The following FMNL3 variants were observed in gnomAD, a reference collection of about 807,000 sequenced individuals.
FMNL3 encodes formin-like protein 3.
In FMNL3, 57 loss-of-function variants were observed where a neutral mutation model predicts 119.6. The observed-to-expected ratio is 0.48, with a 90% CI of 0.39 to 0.59. The LOEUF is 0.59. Ranked by LOEUF, FMNL3 falls within the 20% of genes least tolerant of loss-of-function variation. FMNL3 has a pLI of 0.00. For missense variants in FMNL3, 1,053 were observed against 1,323.5 expected (o/e 0.80, Z 3.17); for synonymous variants, 491 against 507.3 (o/e 0.97, Z 0.43).
Position 49,707,128 on chromosome 12 carries a change from G to T in FMNL3, c.53C>A (p.Pro18Gln), listed in dbSNP as rs749783540. 3.7e-6 allele frequency: 6 copies of T among 1,602,800 alleles called. No homozygotes were observed. The Admixed American group carries it at 1.0e-4, about 27-fold the overall frequency. ...EGVPGEPPSV[P>Q]LLLPPGKMPM... The stretch of plus-strand genomic sequence containing the variant: ...CATCTTGCCGGGCGGCAGCAACAAC[G>T]GGACAGAGGGGGGCTCTCCCGGGAC... The change falls in exon 1 of 26, where the codon CCG (proline) becomes CAG (glutamine). Residue 18 changes from proline (P) to glutamine (Q), a missense_variant. By Grantham distance (76) the Pro-to-Gln change is moderately conservative. Transcript: ENST00000335154.
At chr12:49,696,905 T>C (rs761878010) in intron 1 of FMNL3, among the ~76,000 whole-genome samples, 3 of 152,194 alleles carry the variant, frequency 2.0e-5, no homozygotes, top group Non-Finnish European at 2.9e-5. Context: ...GTTCCTGCAG[T>C]AGAGTTTCCT....
chr12:49,668,702 C>T (rs1475400775), intron 1 of FMNL3, 148 bp from the exon 2 acceptor site: 1 of 628,958 alleles, frequency 1.6e-6, no homozygotes, highest in Non-Finnish European at 2.8e-6. Context: ...AAAGGTAGAA[C>T]AGTCCTCCAG....
At chr12:49,683,506 T>C (rs1287089234) in intron 1 of FMNL3, among the ~76,000 whole-genome samples, 2 of 152,142 alleles carry the variant, frequency 1.3e-5, no homozygotes, top group African/African-American at 4.8e-5. Context: ...CCATCAAAAA[T>C]TGAAATAAAA....
At chr12:49,659,248 G>A (rs1943665095) in intron 5 of FMNL3, among the ~76,000 whole-genome samples, 1 of 152,150 alleles carries the variant, frequency 6.6e-6, no homozygotes, top group African/African-American at 2.4e-5. Context: ...GAGGTTTCTA[G>A]GTTTTTCAGG....
rs1943338356 is a variant in FMNL3, at chr12:49,649,836, T to C, written c.2090A>G (p.Tyr697Cys). ...CTCCAGGGGCTGCCGCTCCCGCTCA[T>C]ATTGCCGCAGCAGCTTTACCTCAGC... The part of the protein sequence containing the change: ...TEAEVKLLRQ[Y>C]ERERQPLEEL... Residue 697 changes from tyrosine to cysteine, a missense_variant, in exon 18 of 26, where the codon TAT becomes TGT. Physicochemically the swap from Tyr to Cys is radical, Grantham distance 194. Around this residue, in one of 4 missense-constraint regions of FMNL3, gnomAD observed 445 missense variants for 628.4 expected, o/e 0.71. Coordinates refer to ENST00000335154, the MANE Select transcript of FMNL3 (RefSeq NM_175736.5). This position sits in a 1 kb window ranked among gnomAD's most constrained non-coding sequence, Gnocchi z 5.6. 6.2e-7 allele frequency: 1 copy of C among 1,614,070 alleles called. No individual in the cohort carries two copies. Among genetic ancestry groups the C allele is most frequent in the African/African-American group, 1.3e-5 (1 of 74,926 alleles).
chr12:49,680,427 C>T lies in FMNL3; in HGVS notation c.127-11873G>A, dbSNP rs1024033060. ...TTGCTTTCAAATGGAGGTACATCCT[C>T]AGCGCCTCAGTGCTTCTATCCTCTT... is the stretch of plus-strand genomic sequence containing the variant. On this transcript the variant is annotated intron_variant, in intron 1 of 25. Coordinates refer to ENST00000335154, the MANE Select transcript of FMNL3 (RefSeq NM_175736.5). 2.0e-5 allele frequency among the ~76,000 whole-genome samples: 3 copies of T among 152,218 alleles called. 1 individual carries two copies. Among genetic ancestry groups the T allele is most frequent in the Non-Finnish European group, 4.4e-5 (3 of 68,032 alleles).
In FMNL3 at chr12:49,643,745, A is replaced by G. The variant is rs764584707; in HGVS notation, c.*2070T>C. ...AAAAAGAAAACTAAGAAGAGAAGACACAAGTCGGTGAGTGAAGGAACTTCT... is the reference window on the plus strand; with the variant it reads ...AAAAAGAAAACTAAGAAGAGAAGACGCAAGTCGGTGAGTGAAGGAACTTCT... On this transcript the variant is annotated 3_prime_UTR_variant, in exon 26 of 26. Transcript: ENST00000335154. 9 of 1,614,048 alleles carry G rather than the reference A, an allele frequency of 5.6e-6. No homozygotes were observed. The highest frequency in any genetic ancestry group is 1.7e-5 in the Admixed American group (1 of 59,996).
rs750918263 is a variant in FMNL3 at position 49,648,389 on chromosome 12, G to A, written c.2516-36C>T. The stretch of plus-strand genomic sequence containing the variant: ...AAAGCCTGGCTGAGGAATGCCTAGG[G>A]CCTGGCATGCTCACCTCCCAGCCCA... On this transcript the variant is annotated intron_variant, in intron 21 of 25. Transcript: ENST00000335154. 9 of 1,587,766 alleles carry A rather than the reference G, an allele frequency of 5.7e-6. No individual in the cohort carries two copies. The South Asian group carries it at 6.8e-5, about 12-fold the overall frequency.
chr12:49,703,558 G>A (rs945448570), intron 1 of FMNL3, among the ~76,000 whole-genome samples: 2 of 151,922 alleles, frequency 1.3e-5, no homozygotes, highest in Admixed American at 1.3e-4. Context: ...ACAGTACATG[G>A]GGTAGAAGCT....
rs1418061534 is a variant in FMNL3, at chr12:49,647,297, T to C, written c.2850A>G (p.Glu950=). ...CCACCTTGGCATCCAGTTTCTTGGC[T>C]TCCTGAGCCAGCTGCTTCTCCCGCA... ...EVMREKQLAQ[E]AKKLDAKTPS... Residue 950 remains glutamate, a synonymous_variant, in exon 24 of 26, where the codon GAA becomes GAG. Transcript: ENST00000335154. The surrounding 1 kb of genome is among the most constrained non-coding windows in gnomAD (Gnocchi z 4.9). The C allele has an allele frequency of 1.9e-6, 3 of 1,613,932 alleles. No individual in the cohort carries two copies. The highest frequency in any genetic ancestry group is 1.3e-5 in the African/African-American group (1 of 74,922).
chr12:49,687,973 A>G (rs1173162178), intron 1 of FMNL3, among the ~76,000 whole-genome samples: 1 of 152,226 alleles, frequency 6.6e-6, no homozygotes, highest in African/African-American at 2.4e-5. Flanking sequence ...GGGAGGAGAC[A>G]CATTTTTCCT....
Position 49,650,737 on chromosome 12 carries a change from G to C in FMNL3, c.1939C>G (p.Leu647Val). 6.2e-7 allele frequency: 1 copy of C among 1,614,230 alleles called. No individual in the cohort carries two copies. Among genetic ancestry groups the C allele is most frequent in the Non-Finnish European group, 8.5e-7 (1 of 1,180,050 alleles). Residue 647 changes from leucine to valine, a missense_variant, in exon 17 of 26, where the codon CTG (leucine) becomes GTG (valine). Transcript: ENST00000335154. ...CCAGCCTTGCGTAGGGTGATGGCCAGGTTCTTGGCACGATTGGCTTCCAAC... is the reference window on the plus strand; with the variant it reads ...CCAGCCTTGCGTAGGGTGATGGCCACGTTCTTGGCACGATTGGCTTCCAAC... ...TLLEANRAKN[L>V]AITLRKAGRS...
chr12:49,661,760 C>T (rs1204719134), intron 5 of FMNL3: 1 of 584,598 alleles, frequency 1.7e-6, no homozygotes, highest in Admixed American at 3.0e-5. Flanking sequence ...TTATCTTCTA[C>T]TCCAGCCAAG....
At chr12:49,688,078 T>A (rs1283209998) in intron 1 of FMNL3, among the ~76,000 whole-genome samples, 1 of 152,244 alleles carries the variant, frequency 6.6e-6, no homozygotes, top group Non-Finnish European at 1.5e-5. Flanking sequence ...TTTATTTTTA[T>A]AACCAGCCAA....
At chr12:49,699,275 C>T (rs1944838757) in intron 1 of FMNL3, among the ~76,000 whole-genome samples, 1 of 152,216 alleles carries the variant, frequency 6.6e-6, no homozygotes, top group African/African-American at 2.4e-5. Flanking sequence ...TTGGTGTTGA[C>T]CACAGAACCA....
At chr12:49,694,644 C>G (rs1944703024) in intron 1 of FMNL3, among the ~76,000 whole-genome samples, 2 of 152,196 alleles carry the variant, frequency 1.3e-5, no homozygotes, top group Non-Finnish European at 2.9e-5. Flanking sequence ...AGTGCGGTGG[C>G]TCACGCCTGC....
At position 49,643,531 on chromosome 12, in the gene FMNL3, C is replaced by T. The variant is rs1942948542; in HGVS notation, c.*2284G>A. 3.6e-6 allele frequency: 5 copies of T among 1,373,440 alleles called. No individual in the cohort carries two copies. Among genetic ancestry groups the T allele is most frequent in the South Asian group, 2.9e-5 (2 of 67,860 alleles). 85.1% of individuals were successfully genotyped at this position (1,373,440 alleles called of 1,614,324 possible). A position where few individuals can be genotyped will look rare whatever the true frequency, so the allele number is the denominator to read the frequency against. Reference sequence around the variant, plus strand: ...CACCTGTGGAAGTAGAAAGAACTTCCTCTACCTGCCCAAGCAAGAAGCTGG... The same window carrying T: ...CACCTGTGGAAGTAGAAAGAACTTCTTCTACCTGCCCAAGCAAGAAGCTGG... On this transcript the variant is annotated 3_prime_UTR_variant, in exon 26 of 26. Coordinates refer to ENST00000335154, the MANE Select transcript of FMNL3 (RefSeq NM_175736.5).
chr12:49,637,655 C>T lies in FMNL3; in HGVS notation c.*8160G>A. 6.4e-7 allele frequency: 1 copy of T among 1,559,198 alleles called. No homozygotes were observed. The highest frequency in any genetic ancestry group is 2.2e-5 in the East Asian group (1 of 44,488). Reference sequence around the variant, plus strand: ...GCCAGCCTCTCTGCACCCCCTACTACCGGCTCCTGTCCTCGGCCCAGCCCC... The same window carrying T: ...GCCAGCCTCTCTGCACCCCCTACTATCGGCTCCTGTCCTCGGCCCAGCCCC... On this transcript the variant is annotated 3_prime_UTR_variant, in exon 26 of 26. Coordinates refer to ENST00000335154, the MANE Select transcript of FMNL3 (RefSeq NM_175736.5).
At chr12:49,678,154 G>C in intron 1 of FMNL3, among the ~76,000 whole-genome samples, 1 of 128,298 alleles carries the variant, frequency 7.8e-6, no homozygotes, top group Non-Finnish European at 1.7e-5. Flanking sequence ...GAGCCACCGT[G>C]CCCGGCCTAT....
Sources: gnomAD v4.1 joint callset for allele counts (sites outside exome capture counted in the v4.1 genomes callset) on GRCh38, gnomAD v4.1.1 for gene constraint, gnomAD v4.1.1 regional missense constraint, Gnocchi (gnomAD v3.1) non-coding constraint, MANE v1.5 for transcripts, NCBI Gene and HGNC (gene_info 2026-07-23, HGNC 2026-07-21) for gene names.